FHIT: variants seen among roughly 807,000 people sequenced by gnomAD.
FHIT encodes fragile histidine triad diadenosine triphosphatase.
A neutral mutation model predicts 17.9 loss-of-function variants in FHIT; 19 were observed. The ratio of observed to expected loss-of-function variants is 1.06; its 90% CI spans 0.74 to 1.56. The LOEUF is 1.56. Ranked by LOEUF, FHIT falls within the 40% of genes most tolerant of loss-of-function variation. The probability of loss-of-function intolerance (pLI) is 0.00; values close to 1 mark genes in which losing one functional copy is unlikely to be tolerated. For synonymous variants in FHIT, 81 were observed against 69.7 expected (o/e 1.16, Z -0.81); for missense variants, 248 against 189.2 (o/e 1.31, Z -1.82).
At chr3:61,012,092 G>A (rs1287005679) in intron 3 of FHIT, among the ~76,000 whole-genome samples, 1 of 152,168 alleles carries the variant, frequency 6.6e-6, no homozygotes, top group Non-Finnish European at 1.5e-5. Flanking sequence ...ACTACTCAAA[G>A]AATGTACTAA....
intron 3 of FHIT, among the ~76,000 whole-genome samples, chr3:60,996,159 T>C (rs2030659018): frequency 6.6e-6 from 1 of 152,196 alleles, no homozygotes; most frequent in African/African-American, 2.4e-5. Flanking sequence ...TTGCTGTTTA[T>C]TGCTAATTCG....
chr3:61,203,661 A>C (rs1339826960), intron 1 of FHIT, among the ~76,000 whole-genome samples: 1 of 152,202 alleles, frequency 6.6e-6, no homozygotes, highest in Non-Finnish European at 1.5e-5. Context: ...AAAAAAACAA[A>C]ACAAAACAAT....
intron 5 of FHIT, among the ~76,000 whole-genome samples, chr3:60,444,099 A>G (rs1435605094): frequency 2.0e-5 from 3 of 152,238 alleles, no homozygotes; most frequent in African/African-American, 7.2e-5. Context: ...AAAAATGCTT[A>G]TCATCACTTG....
At position 60,862,831 on chromosome 3, in the gene FHIT, G is replaced by A. The variant is rs567611340; in HGVS notation, c.-110-40820C>T. On this transcript the variant is annotated intron_variant, in intron 3 of 9. Coordinates refer to ENST00000492590, the MANE Select transcript of FHIT (RefSeq NM_002012.4). Reference sequence around the variant, plus strand: ...TGCACCATTGCACTCCAGCTTGGGCGACAGAGTGAAACTCCCTCTCAAAAA... The same window carrying A: ...TGCACCATTGCACTCCAGCTTGGGCAACAGAGTGAAACTCCCTCTCAAAAA... Among the ~76,000 whole-genome samples the A allele has an allele frequency of 2.8e-5, 4 of 142,362 alleles. No individual in the cohort carries two copies. The East Asian group carries it at 6.0e-4, about 21-fold the overall frequency. The allele number at this position is 142,362 out of a possible 152,430, so 93.4% of individuals were successfully genotyped here.
At position 60,821,977 on chromosome 3, in the gene FHIT, T is replaced by C. The variant is rs1482781751; in HGVS notation, c.-76A>G. 2 of 152,116 alleles carry C rather than the reference T, an allele frequency of 1.3e-5. No homozygotes were observed. The highest frequency in any genetic ancestry group is 2.9e-5 in the Non-Finnish European group (2 of 67,994). The allele number at this position is 152,116 out of a possible 1,614,324, so 9.4% of individuals were successfully genotyped here. A position where few individuals can be genotyped will look rare whatever the true frequency, so the allele number is the denominator to read the frequency against. On this transcript the variant is annotated 5_prime_UTR_variant, in exon 4 of 10. Transcript: ENST00000492590. ...AGTGGCAGGATGCACAGAGCTTTTA[T>C]AGAGGGTCTAAGCAGGCAGGTATTC... is the stretch of plus-strand genomic sequence containing the variant.
intron 2 of FHIT, among the ~76,000 whole-genome samples, chr3:61,106,445 C>T (rs762100905): frequency 1.3e-5 from 2 of 152,140 alleles, no homozygotes; most frequent in Non-Finnish European, 2.9e-5. Flanking sequence ...GTTTTACCAG[C>T]ATCTCCCTAT....
At chr3:60,057,650 T>G (rs1702133737) in intron 5 of FHIT, among the ~76,000 whole-genome samples, 1 of 152,040 alleles carries the variant, frequency 6.6e-6, no homozygotes, top group African/African-American at 2.4e-5. Flanking sequence ...TTATATTTGT[T>G]TTAACTGAGT....
chr3:60,032,571 G>C (rs1460475319), intron 5 of FHIT, among the ~76,000 whole-genome samples: 1 of 152,222 alleles, frequency 6.6e-6, no homozygotes, highest in African/African-American at 2.4e-5. Context: ...TTGGATGAAA[G>C]TGTGACGGGA....
chr3:60,916,220 TTTTTGTACATAGAA>T (rs1280987324), intron 3 of FHIT, among the ~76,000 whole-genome samples: 1 of 152,202 alleles, frequency 6.6e-6, no homozygotes, highest in Non-Finnish European at 1.5e-5. Context: ...ATGGCGAATA[TTTTTGTACATAGAA>T]TTTTGTGCAC....
chr3:60,125,669 T>C (rs1260612271), intron 5 of FHIT, among the ~76,000 whole-genome samples: 2 of 128,338 alleles, frequency 1.6e-5, no homozygotes, highest in African/African-American at 6.0e-5. Context: ...TTTGTGTATA[T>C]ATATGTGTGT....
At chr3:61,124,046 G>A (rs1158749291) in intron 2 of FHIT, among the ~76,000 whole-genome samples, 1 of 152,178 alleles carries the variant, frequency 6.6e-6, no homozygotes, top group Non-Finnish European at 1.5e-5. Context: ...TATGAAGGCA[G>A]GGGATAGAAA....
chr3:60,663,738 G>A (rs1249622867), intron 4 of FHIT, among the ~76,000 whole-genome samples: 1 of 152,142 alleles, frequency 6.6e-6, no homozygotes, highest in Non-Finnish European at 1.5e-5. Flanking sequence ...GTTTTATTAA[G>A]TGTATACCTG....
chr3:60,637,488 G>A (rs2107784996), intron 4 of FHIT, among the ~76,000 whole-genome samples: 1 of 152,154 alleles, frequency 6.6e-6, no homozygotes, highest in East Asian at 1.9e-4. Flanking sequence ...TATGTCCAGT[G>A]CTTACATTAG....
At chr3:61,207,301 CCA>C in intron 1 of FHIT, among the ~76,000 whole-genome samples, 1 of 152,014 alleles carries the variant, frequency 6.6e-6, no homozygotes, top group East Asian at 1.9e-4. Flanking sequence ...GTGTCTCTGC[CCA>C]GCTTTGGTAT....
chr3:60,662,536 T>C (rs1409222691), intron 4 of FHIT, among the ~76,000 whole-genome samples: 3 of 152,162 alleles, frequency 2.0e-5, no homozygotes, highest in Non-Finnish European at 4.4e-5. Context: ...CTTTTTTGGT[T>C]CCATATGAAT....
chr3:60,224,316 C>A lies in FHIT; in HGVS notation c.104-210164G>T, dbSNP rs77215845. Reference sequence around the variant, plus strand: ...TTGTGAAAACTGTCCCAACCTGATCCTGATGCAAAATGATGGCAAATAAAA... The same window carrying A: ...TTGTGAAAACTGTCCCAACCTGATCATGATGCAAAATGATGGCAAATAAAA... On this transcript the variant is annotated intron_variant, in intron 5 of 9. Transcript: ENST00000492590. Among the ~76,000 whole-genome samples, 1,425 of 152,162 alleles carry A rather than the reference C, an allele frequency of 9.4e-3. 15 individuals are homozygous for A. The highest frequency in any genetic ancestry group is 0.033 in the African/African-American group (1,374 of 41,520).
chr3:59,942,888 A>G (rs757862849), intron 7 of FHIT, among the ~76,000 whole-genome samples: 49 of 151,982 alleles, frequency 3.2e-4, no homozygotes, highest in Admixed American at 9.8e-4. Context: ...GGCTCAAGCA[A>G]TCCTCCCACC....
At chr3:60,371,420 A>G (rs1036301007) in intron 5 of FHIT, among the ~76,000 whole-genome samples, 6 of 151,744 alleles carry the variant, frequency 4.0e-5, no homozygotes, top group Admixed American at 1.3e-4. Context: ...TTCACAGGCG[A>G]CATCATAACT....
intron 4 of FHIT, among the ~76,000 whole-genome samples, chr3:60,704,038 C>T (rs1337197639): frequency 6.6e-6 from 1 of 151,834 alleles, no homozygotes; most frequent in Non-Finnish European, 1.5e-5. Flanking sequence ...GCAGAGTTGA[C>T]CAAGGGAAGC....
Sources: gnomAD v4.1 joint callset for allele counts (sites outside exome capture counted in the v4.1 genomes callset) on GRCh38, gnomAD v4.1.1 for gene constraint, MANE v1.5 for transcripts, NCBI Gene and HGNC (gene_info 2026-07-23, HGNC 2026-07-21) for gene names.